Variants in DLGAP4 observed in about 807,000 individuals in gnomAD.
DLGAP4 encodes disks large-associated protein 4.
DLGAP4 carries 18 observed loss-of-function variants against 86.9 expected under a neutral mutation model. The ratio of observed to expected loss-of-function variants is 0.21; its 90% CI spans 0.14 to 0.31. The LOEUF (loss-of-function observed/expected upper bound fraction) is 0.31. DLGAP4 is among the 10% of genes least tolerant of loss of function. DLGAP4 has a pLI of 1.00. For missense variants in DLGAP4, 1,085 were observed against 1,362.6 expected (o/e 0.80, Z 3.21); for synonymous variants, 548 against 574.3 (o/e 0.95, Z 0.65).
At chr20:36,382,527 C>CTTTTTTTTTTTTTTT (rs749210064) in intron 2 of DLGAP4, among the ~76,000 whole-genome samples, 14 of 110,468 alleles carry the variant, frequency 1.3e-4, no homozygotes, top group Admixed American at 1.9e-4. Context: ...TTCTTTTTTT[C>CTTTTTTTTTTTTTTT]TTTTTTTTTT....
intron 2 of DLGAP4, among the ~76,000 whole-genome samples, chr20:36,375,720 C>T (rs1285395349): frequency 6.6e-6 from 1 of 152,146 alleles, no homozygotes; most frequent in Non-Finnish European, 1.5e-5. Flanking sequence ...CTGGGAGGGG[C>T]TCTCTGAAGA....
rs1569527586 is a variant in DLGAP4 at position 36,525,946 on chromosome 20, T to C, written c.2700T>C (p.Asp900=). Residue 900 remains aspartate, a synonymous_variant, in exon 12 of 13, where the codon GAT becomes GAC. Coordinates refer to ENST00000339266, the MANE Select transcript of DLGAP4 (RefSeq NM_001365621.2). ...LSIEDISMKF[D]ELYHLKANSW... is the part of the protein sequence containing the mutation. ...TCGAGGATATCAGCATGAAGTTCGA[T>C]GAACTCTACCACCTCAAGGCCAACA... The C allele has an allele frequency of 6.2e-7, 1 of 1,613,816 alleles. No homozygotes were observed. Among genetic ancestry groups the C allele is most frequent in the Non-Finnish European group, 8.5e-7 (1 of 1,179,918 alleles).
intron 1 of DLGAP4, among the ~76,000 whole-genome samples, chr20:36,315,157 G>C (rs2065087616): frequency 6.6e-6 from 1 of 151,008 alleles, no homozygotes; most frequent in Non-Finnish European, 1.5e-5. Flanking sequence ...TGTGTGTGCT[G>C]TGATGTGTGT....
In DLGAP4 at chr20:36,435,612, A is replaced by G. The variant is rs576227263; in HGVS notation, c.1000-497A>G. Reference sequence around the variant, plus strand: ...AGTTTCCCCACCTGTGGGACAAAGAATATCCATTGGCTCTGGGATCCCGTC... The same window carrying G: ...AGTTTCCCCACCTGTGGGACAAAGAGTATCCATTGGCTCTGGGATCCCGTC... On this transcript the variant is annotated intron_variant, in intron 3 of 12. Coordinates refer to ENST00000339266, the MANE Select transcript of DLGAP4 (RefSeq NM_001365621.2). Among the ~76,000 whole-genome samples, 11 of 152,328 alleles carry G rather than the reference A, an allele frequency of 7.2e-5. No individual in the cohort carries two copies. In the South Asian group the frequency reaches 2.3e-3, roughly 32 times the overall value.
At chr20:36,461,771 G>GCCCGCC (rs2034086000) in intron 7 of DLGAP4, 5 of 231,374 alleles carry the variant, frequency 2.2e-5, no homozygotes, top group Non-Finnish European at 2.9e-5. Context: ...CCGCCCGCCC[G>GCCCGCC]CGCTTCCGTC....
At chr20:36,348,380 A>G (rs551591585) in intron 1 of DLGAP4, among the ~76,000 whole-genome samples, 1 of 152,330 alleles carries the variant, frequency 6.6e-6, no homozygotes, top group East Asian at 1.9e-4. Context: ...AGCTGTGAAC[A>G]AAAAAGGCAA....
At chr20:36,514,734 A>T (rs995923238) in intron 10 of DLGAP4, among the ~76,000 whole-genome samples, 5 of 151,834 alleles carry the variant, frequency 3.3e-5, no homozygotes, top group Admixed American at 3.3e-4. Flanking sequence ...TTTTTAATGG[A>T]GCAATATAAG....
chr20:36,309,759 C>A (rs1363781125), intron 1 of DLGAP4, among the ~76,000 whole-genome samples: 2 of 152,214 alleles, frequency 1.3e-5, no homozygotes, highest in African/African-American at 2.4e-5. Context: ...CTGGCCTGTT[C>A]ACTCTTCCAT....
chr20:36,395,193 A>G (rs2031909675), intron 2 of DLGAP4, among the ~76,000 whole-genome samples: 1 of 152,162 alleles, frequency 6.6e-6, no homozygotes, highest in Non-Finnish European at 1.5e-5. Context: ...TTGCAGAAAG[A>G]CTTTCCTGAC....
intron 9 of DLGAP4, 115 bp downstream of exon 9, chr20:36,499,791 G>C: frequency 9.2e-7 from 1 of 1,083,910 alleles, no homozygotes; most frequent in Non-Finnish European, 1.4e-6. Context: ...TAACCAAGCT[G>C]GGTTTGGGTT....
At chr20:36,525,442 C>T (rs2037690512) in intron 11 of DLGAP4, 5 of 253,184 alleles carry the variant, frequency 2.0e-5, no homozygotes, top group East Asian at 9.0e-5. Context: ...TTGGGGGTTG[C>T]GTTGTCATGG....
At chr20:36,309,756 G>A (rs978894306) in intron 1 of DLGAP4, among the ~76,000 whole-genome samples, 27 of 152,318 alleles carry the variant, frequency 1.8e-4, no homozygotes, top group East Asian at 5.8e-4. Flanking sequence ...TCACTGGCCT[G>A]TTCACTCTTC....
chr20:36,446,051 G>A (rs759124477), intron 6 of DLGAP4, among the ~76,000 whole-genome samples: 1 of 152,222 alleles, frequency 6.6e-6, no homozygotes, highest in Admixed American at 6.5e-5. Context: ...GTCCATGGCA[G>A]ACATCATTAA....
intron 1 of DLGAP4, among the ~76,000 whole-genome samples, chr20:36,346,518 C>T (rs1465611209): frequency 3.9e-5 from 6 of 152,152 alleles, no homozygotes; most frequent in African/African-American, 1.4e-4. Context: ...GATGGGGGAA[C>T]AGAGCCCACA....
intron 2 of DLGAP4, among the ~76,000 whole-genome samples, chr20:36,375,736 C>T (rs896501757): frequency 6.6e-6 from 1 of 152,140 alleles, no homozygotes; most frequent in African/African-American, 2.4e-5. Flanking sequence ...GAAGATCTCA[C>T]CTGCCTCCTG....
intron 1 of DLGAP4, among the ~76,000 whole-genome samples, chr20:36,324,905 CT>C (rs1344635475): frequency 6.6e-6 from 1 of 152,050 alleles, no homozygotes; most frequent in Admixed American, 6.6e-5. Context: ...TGAAGGACAG[CT>C]TTTGGTGTCA....
intron 1 of DLGAP4, among the ~76,000 whole-genome samples, chr20:36,349,952 C>G (rs1380464769): frequency 6.6e-6 from 1 of 152,212 alleles, no homozygotes; most frequent in Non-Finnish European, 1.5e-5. Context: ...AACCCCTGCC[C>G]CGTGTTTCCG....
chr20:36,340,655 G>A (rs2065370178), intron 1 of DLGAP4, among the ~76,000 whole-genome samples: 1 of 152,076 alleles, frequency 6.6e-6, no homozygotes, highest in Non-Finnish European at 1.5e-5. Flanking sequence ...CCACCCTCTG[G>A]CATGAGTTCC....
At chr20:36,462,692 C>T in intron 7 of DLGAP4, 1 of 1,487,226 alleles carries the variant, frequency 6.7e-7, no homozygotes. Flanking sequence ...CAAGGGCTGG[C>T]GCTAGGGCAA....
Sources: gnomAD v4.1 joint callset for allele counts (sites outside exome capture counted in the v4.1 genomes callset) on GRCh38, gnomAD v4.1.1 for gene constraint, MANE v1.5 for transcripts, NCBI Gene and HGNC (gene_info 2026-07-23, HGNC 2026-07-21) for gene names.